NOL4: variants seen among roughly 807,000 people sequenced by gnomAD.
NOL4 encodes the protein cancer/testis antigen 125.
A neutral mutation model predicts 75.9 loss-of-function variants in NOL4; 17 were observed. That is an observed-to-expected ratio of 0.22 (90% CI 0.15 to 0.34). NOL4 has a LOEUF of 0.34. Ranked by LOEUF, NOL4 falls within the 10% of genes least tolerant of loss-of-function variation. The pLI is 1.00. For synonymous variants in NOL4, 292 were observed against 289.9 expected, an observed-to-expected ratio of 1.01 and a Z score of -0.07; for missense variants, 614 against 793.5, an observed-to-expected ratio of 0.77 and a Z score of 2.72.
At chr18:34,151,604 T>C (rs1033139766) in intron 1 of NOL4, among the ~76,000 whole-genome samples, 2 of 151,868 alleles carry the variant, frequency 1.3e-5, no homozygotes, top group Non-Finnish European at 2.9e-5. Flanking sequence ...AGTGAAACTA[T>C]TCTGTATGAC....
intron 10 of NOL4, among the ~76,000 whole-genome samples, chr18:33,871,644 C>T (rs1242718558): frequency 2.0e-5 from 3 of 152,010 alleles, no homozygotes; most frequent in African/African-American, 7.2e-5. Flanking sequence ...GAAGGAAGGT[C>T]CCAGGATACT....
At chr18:33,924,779 G>T (rs2067231464) in intron 9 of NOL4, among the ~76,000 whole-genome samples, 2 of 152,290 alleles carry the variant, frequency 1.3e-5, no homozygotes, top group South Asian at 4.1e-4. Flanking sequence ...GATAGTTGTT[G>T]CTACATAGAG....
intron 5 of NOL4, among the ~76,000 whole-genome samples, chr18:34,052,759 A>C (rs1185693249): frequency 2.0e-5 from 3 of 152,064 alleles, no homozygotes; most frequent in Non-Finnish European, 2.9e-5. Flanking sequence ...TATACACAGA[A>C]TGCTACGAGA....
At chr18:34,194,414 A>AGGAG (rs1411242526) in intron 1 of NOL4, among the ~76,000 whole-genome samples, 10 of 120,820 alleles carry the variant, frequency 8.3e-5, no homozygotes, top group East Asian at 2.4e-4. Context: ...AAGGTAGGGA[A>AGGAG]GGAGGGAGGG....
At chr18:34,147,714 G>A (rs534642685) in intron 1 of NOL4, among the ~76,000 whole-genome samples, 1 of 152,052 alleles carries the variant, frequency 6.6e-6, no homozygotes, top group Non-Finnish European at 1.5e-5. Flanking sequence ...TTGGTATCAG[G>A]ATGATGCTGG....
chr18:34,110,959 ACAATT>A (rs2079559049), intron 2 of NOL4, among the ~76,000 whole-genome samples: 2 of 152,132 alleles, frequency 1.3e-5, no homozygotes, highest in Non-Finnish European at 2.9e-5. Flanking sequence ...AACTAGAAAA[ACAATT>A]CAATCAAGAC....
chr18:34,012,919 A>T (rs532773844), intron 6 of NOL4, among the ~76,000 whole-genome samples: 1 of 152,132 alleles, frequency 6.6e-6, no homozygotes, highest in Non-Finnish European at 1.5e-5. Flanking sequence ...CTCACACAGC[A>T]TCAGCAGGTG....
chr18:33,954,237 G>A (rs1170370135), intron 8 of NOL4, among the ~76,000 whole-genome samples: 3 of 152,038 alleles, frequency 2.0e-5, no homozygotes, highest in Admixed American at 6.6e-5. Flanking sequence ...AGGGAATAAC[G>A]ACAAGTAAAA....
At chr18:34,106,817 C>T (rs2079307968) in intron 2 of NOL4, among the ~76,000 whole-genome samples, 1 of 151,906 alleles carries the variant, frequency 6.6e-6, no homozygotes, top group South Asian at 2.1e-4. Flanking sequence ...TTCTTACTCT[C>T]TGAAGAAATA....
At chr18:33,972,929 T>C (rs2071194894) in intron 6 of NOL4, among the ~76,000 whole-genome samples, 1 of 152,224 alleles carries the variant, frequency 6.6e-6, no homozygotes, top group Non-Finnish European at 1.5e-5. Flanking sequence ...GCATGGTGAT[T>C]GCTGAAGCAT....
At chr18:33,929,491 C>T (rs1389712462) in intron 9 of NOL4, among the ~76,000 whole-genome samples, 1 of 152,142 alleles carries the variant, frequency 6.6e-6, no homozygotes, top group Non-Finnish European at 1.5e-5. Context: ...ATGCTAATTT[C>T]ACTTATCTTT....
At chr18:34,070,666 TGAGA>T (rs1269397955) in intron 5 of NOL4, among the ~76,000 whole-genome samples, 1 of 152,160 alleles carries the variant, frequency 6.6e-6, no homozygotes, top group Non-Finnish European at 1.5e-5. Flanking sequence ...AAACAATGGC[TGAGA>T]GAATCTGTCA....
intron 4 of NOL4, among the ~76,000 whole-genome samples, chr18:34,103,064 T>C (rs1162722119): frequency 6.6e-6 from 1 of 152,010 alleles, no homozygotes; most frequent in Admixed American, 6.6e-5. Flanking sequence ...AAAAACTTGA[T>C]TTGAGTTTTA....
At chr18:33,888,544 A>C (rs2064902743) in intron 9 of NOL4, among the ~76,000 whole-genome samples, 1 of 151,958 alleles carries the variant, frequency 6.6e-6, no homozygotes, top group South Asian at 2.1e-4. Flanking sequence ...GGGTTTTTAC[A>C]GTGTTAGGTC....
chr18:34,219,774 G>A (rs1005607064), intron 1 of NOL4, among the ~76,000 whole-genome samples: 2 of 152,240 alleles, frequency 1.3e-5, no homozygotes, highest in African/African-American at 4.8e-5. Context: ...CAGATGGGTT[G>A]CTCAACAAAC....
chr18:34,082,513 A>C (rs2078058012), intron 5 of NOL4, among the ~76,000 whole-genome samples: 1 of 152,194 alleles, frequency 6.6e-6, no homozygotes, highest in South Asian at 2.1e-4. Flanking sequence ...TGCCTTTTAA[A>C]AATAATTTGA....
chr18:34,025,778 T>C (rs1316149328), intron 5 of NOL4, among the ~76,000 whole-genome samples: 2 of 152,138 alleles, frequency 1.3e-5, no homozygotes, highest in East Asian at 3.9e-4. Flanking sequence ...GTGAAGTGTA[T>C]TGTGTTTTGG....
chr18:34,023,487 G>A (rs980678979), intron 5 of NOL4: 2 of 456,224 alleles, frequency 4.4e-6, no homozygotes, highest in Non-Finnish European at 4.4e-6. Context: ...AGAAGGTGCA[G>A]TATTTAGGTC....
chr18:34,087,759 A>G (rs2078309849), intron 5 of NOL4, among the ~76,000 whole-genome samples: 1 of 151,550 alleles, frequency 6.6e-6, no homozygotes, highest in Non-Finnish European at 1.5e-5. Flanking sequence ...TTTTTTTTTG[A>G]CTACCTAGCC....
Sources: gnomAD v4.1 joint callset for allele counts (sites outside exome capture counted in the v4.1 genomes callset) on GRCh38, gnomAD v4.1.1 for gene constraint, MANE v1.5 for transcripts, NCBI Gene and HGNC (gene_info 2026-07-23, HGNC 2026-07-21) for gene names.